Variants in WWP2 observed in about 807,000 individuals in gnomAD.
WWP2 encodes WW domain containing E3 ubiquitin protein ligase 2, also known as NEDD4-like E3 ubiquitin-protein ligase WWP2.
In WWP2, 57 loss-of-function variants were observed where a neutral mutation model predicts 121.0. The observed-to-expected ratio is 0.47, with a 90% confidence interval of 0.38 to 0.59. The LOEUF (loss-of-function observed/expected upper bound fraction) is 0.59. WWP2 is among the 20% of genes least tolerant of loss of function. The pLI, the probability that WWP2 is intolerant of heterozygous loss-of-function variation, is 0.00. For synonymous variants in WWP2, 449 were observed against 441.3 expected, an observed-to-expected ratio of 1.02 and a Z score of -0.22; for missense variants, 962 against 1,158.9, an observed-to-expected ratio of 0.83 and a Z score of 2.47.
chr16:69,869,402 T>C (rs2057589659), intron 6 of WWP2, among the ~76,000 whole-genome samples: 1 of 149,290 alleles, frequency 6.7e-6, no homozygotes, highest in Non-Finnish European at 1.5e-5. Context: ...TTTTTTTTTT[T>C]GTTAAACAAG....
At chr16:69,846,856 G>T (rs184971618) in intron 6 of WWP2, among the ~76,000 whole-genome samples, 1 of 152,068 alleles carries the variant, frequency 6.6e-6, no homozygotes, top group African/African-American at 2.4e-5. Context: ...TTGTTTCTTT[G>T]CCTGGGTGGT....
intron 6 of WWP2, among the ~76,000 whole-genome samples, chr16:69,852,328 G>A (rs1293630350): frequency 1.3e-5 from 2 of 151,934 alleles, no homozygotes; most frequent in Non-Finnish European, 2.9e-5. Context: ...CCAGGCTGGA[G>A]TGCAATGGTG....
intron 9 of WWP2, among the ~76,000 whole-genome samples, chr16:69,911,320 C>G (rs1567425911): frequency 6.6e-6 from 1 of 152,168 alleles, no homozygotes; most frequent in African/African-American, 2.4e-5. Flanking sequence ...AAGCAGTGTT[C>G]AGACCACAGG....
rs150344950 is a variant in WWP2, at chr16:69,905,093, G to T, written c.915-3668G>T. 3.5e-3 allele frequency among the ~76,000 whole-genome samples: 526 copies of T among 152,332 alleles called. 10 individuals are homozygous for T. Among genetic ancestry groups the T allele is most frequent in the Admixed American group, 0.023 (358 of 15,300 alleles). On this transcript the variant is annotated intron_variant, in intron 8 of 23. Coordinates refer to ENST00000359154, the MANE Select transcript of WWP2 (RefSeq NM_001270454.2). ...GACGCCCAGCTGTAGCTGTTTAGAT[G>T]ATTTCTCTACCTTGCTTCCGTGTTC... is the stretch of plus-strand genomic sequence containing the variant.
intron 6 of WWP2, among the ~76,000 whole-genome samples, chr16:69,862,708 C>CCT (rs2057445515): frequency 1.3e-4 from 10 of 76,506 alleles, no homozygotes; most frequent in African/African-American, 5.8e-4. Context: ...GCCATGAATT[C>CCT]TTTTTTTTTT....
intron 4 of WWP2, among the ~76,000 whole-genome samples, chr16:69,814,969 TTTA>T (rs1462856599): frequency 6.6e-6 from 1 of 152,042 alleles, no homozygotes; most frequent in Non-Finnish European, 1.5e-5. Context: ...TAAATTTATT[TTTA>T]TTATTAGTTT....
rs1213897159 is a variant in WWP2 at position 69,762,335 on chromosome 16, G to C, written c.-72G>C. 6.6e-6 allele frequency: 1 copy of C among 151,854 alleles called. No individual in the cohort carries two copies. Among genetic ancestry groups the C allele is most frequent in the Non-Finnish European group, 1.5e-5 (1 of 67,848 alleles). 9.4% of individuals were successfully genotyped at this position (151,854 alleles called of 1,614,324 possible). A position where few individuals can be genotyped will look rare whatever the true frequency, so the allele number is the denominator to read the frequency against. On this transcript the variant is annotated 5_prime_UTR_variant, in exon 1 of 24. Transcript: ENST00000359154. ...GGTCACGTGACCCGGCCCGAGTGCG[G>C]GCGGTGGAAGGCGGAAGTAGGAGAG...
At chr16:69,934,201 C>T (rs1044837329) in intron 17 of WWP2, 72 bp downstream of exon 17, 4 of 1,541,234 alleles carry the variant, frequency 2.6e-6, no homozygotes, top group Non-Finnish European at 2.7e-6. Flanking sequence ...GTGAAGTGTG[C>T]CAGGGGCACC....
rs769293977 is a variant in WWP2, at chr16:69,914,563, G to T, written c.1005-3146G>T. ...GTTTGAGTCCAGGAGTTCAAGACCA[G>T]CCTGGGCAACACAGTGAGACACTAT... On this transcript the variant is annotated intron_variant, in intron 9 of 23. Coordinates refer to ENST00000359154, the MANE Select transcript of WWP2 (RefSeq NM_001270454.2). Among the ~76,000 whole-genome samples the T allele has an allele frequency of 3.9e-5, 6 of 152,110 alleles. No homozygotes were observed. The East Asian group carries it at 1.2e-3, about 29-fold the overall frequency.
intron 1 of WWP2, among the ~76,000 whole-genome samples, chr16:69,786,539 C>T (rs1387210510): frequency 1.3e-5 from 2 of 151,252 alleles, no homozygotes; most frequent in African/African-American, 2.4e-5. Flanking sequence ...CAACCTCCGC[C>T]TCCTGGGCTC....
intron 9 of WWP2, 103 bp downstream of exon 9, chr16:69,908,953 T>C (rs945302488): frequency 3.2e-5 from 50 of 1,565,778 alleles, no homozygotes; most frequent in Non-Finnish European, 4.0e-5. Flanking sequence ...CATAGCACAG[T>C]GACGTTTATT....
chr16:69,881,195 C>T (rs1178261288), intron 7 of WWP2, among the ~76,000 whole-genome samples: 1 of 152,028 alleles, frequency 6.6e-6, no homozygotes, highest in African/African-American at 2.4e-5. Flanking sequence ...CCTTGATACC[C>T]TACTTTTCCT....
At chr16:69,849,890 CTTA>C (rs1054800161) in intron 6 of WWP2, among the ~76,000 whole-genome samples, 10 of 151,952 alleles carry the variant, frequency 6.6e-5, no homozygotes, top group Non-Finnish European at 1.5e-4. Context: ...TACATGGTAC[CTTA>C]TTATACATTT....
At chr16:69,863,330 A>G (rs923413906) in intron 6 of WWP2, among the ~76,000 whole-genome samples, 1 of 152,174 alleles carries the variant, frequency 6.6e-6, no homozygotes, top group Non-Finnish European at 1.5e-5. Flanking sequence ...ACAGCCAGGT[A>G]GTCACTATCA....
At chr16:69,773,382 T>A (rs1182812141) in intron 1 of WWP2, among the ~76,000 whole-genome samples, 2 of 152,200 alleles carry the variant, frequency 1.3e-5, no homozygotes, top group Non-Finnish European at 2.9e-5. Flanking sequence ...TTTCACTATG[T>A]TGGCCGGGCT....
At chr16:69,796,003 C>T (rs1352776249) in intron 2 of WWP2, among the ~76,000 whole-genome samples, 1 of 151,028 alleles carries the variant, frequency 6.6e-6, no homozygotes, top group Admixed American at 6.6e-5. Flanking sequence ...TGGACCAGAA[C>T]AAATTTTTTT....
intron 9 of WWP2, among the ~76,000 whole-genome samples, chr16:69,917,164 C>G (rs1315262316): frequency 6.6e-6 from 1 of 152,242 alleles, no homozygotes; most frequent in African/African-American, 2.4e-5. Context: ...GCTCATGTAA[C>G]TGAAAATTCT....
At chr16:69,811,328 T>C (rs1472369980) in intron 4 of WWP2, among the ~76,000 whole-genome samples, 1 of 152,078 alleles carries the variant, frequency 6.6e-6, no homozygotes, top group South Asian at 2.1e-4. Flanking sequence ...AATTTCAGGC[T>C]AGGTGTGGTG....
chr16:69,848,252 A>T (rs148844768), intron 6 of WWP2, among the ~76,000 whole-genome samples: 71 of 151,642 alleles, frequency 4.7e-4, no homozygotes, highest in African/African-American at 1.7e-3. Context: ...GAAGTTCAAG[A>T]CCAGCCTGAC....
Sources: allele counts gnomAD v4.1 joint callset (sites outside exome capture counted in the v4.1 genomes callset), GRCh38; gene constraint gnomAD v4.1.1; transcripts MANE v1.5; gene names NCBI Gene and HGNC (gene_info 2026-07-23, HGNC 2026-07-21).